ASPRV1: variants seen among roughly 807,000 people sequenced by gnomAD.
The protein encoded by ASPRV1 is retroviral-like aspartic protease 1.
A neutral mutation model predicts 11.0 loss-of-function variants in ASPRV1; 7 were observed. That is an observed-to-expected ratio of 0.64 (90% confidence interval 0.36 to 1.20). The LOEUF (loss-of-function observed/expected upper bound fraction) is 1.20. Among genes scored for constraint, ASPRV1 ranks in the 50% most tolerant of loss-of-function variants. ASPRV1 has a pLI of 0.02. For synonymous variants in ASPRV1, 136 were observed against 138.4 expected (o/e 0.98, Z 0.12); for missense variants, 299 against 320.0 (o/e 0.93, Z 0.50).
the ASPRV1 span, among the ~76,000 whole-genome samples, chr2:70,054,754 C>T: frequency 6.6e-6 from 1 of 152,068 alleles, no homozygotes; most frequent in Non-Finnish European, 1.5e-5. Flanking sequence ...AACCACATCT[C>T]CCCCTTTTTG....
At chr2:70,056,908 T>C in the ASPRV1 span, among the ~76,000 whole-genome samples, 3 of 151,878 alleles carry the variant, frequency 2.0e-5, no homozygotes, top group African/African-American at 7.3e-5. Context: ...CTAATTTTTT[T>C]GTATTTTTAG....
the ASPRV1 span, among the ~76,000 whole-genome samples, chr2:70,043,371 T>C: frequency 6.6e-6 from 1 of 152,064 alleles, no homozygotes; most frequent in Non-Finnish European, 1.5e-5. Flanking sequence ...TGAGCCAAGA[T>C]TGCTCTACTG....
chr2:69,961,198 A>G lies in ASPRV1; in HGVS notation c.239T>C (p.Val80Ala). The change falls in exon 1 of 1, where the codon GTG (valine) becomes GCG (alanine). Residue 80 changes from valine (V) to alanine (A), a missense_variant. Transcript: ENST00000320256. ...SPQDQGDYGTVKEALLKAFGV... is the reference protein window; with the variant it reads ...SPQDQGDYGTAKEALLKAFGV... ...AAAGGCCTTCAGGAGGGCCTCTTTC[A>G]CAGTCCCATAGTCTCCCTGGTCCTG... The G allele has an allele frequency of 6.2e-7, 1 of 1,613,624 alleles. No individual in the cohort carries two copies. The highest frequency in any genetic ancestry group is 1.1e-5 in the South Asian group (1 of 91,062).
At chr2:70,009,905 G>C in the ASPRV1 span, among the ~76,000 whole-genome samples, 28 of 152,164 alleles carry the variant, frequency 1.8e-4, no homozygotes, top group African/African-American at 5.3e-4. Flanking sequence ...GAAGCCCCAC[G>C]GCTCTATAAG....
the ASPRV1 span, chr2:70,086,908 G>A: frequency 1.3e-5 from 2 of 152,262 alleles, no homozygotes; most frequent in Non-Finnish European, 2.9e-5. Context: ...GCAGGAGCTG[G>A]GGTGGGGGAT....
At chr2:70,029,456 T>C in the ASPRV1 span, among the ~76,000 whole-genome samples, 3 of 152,034 alleles carry the variant, frequency 2.0e-5, no homozygotes, top group Non-Finnish European at 4.4e-5. Context: ...CTGGCCAACA[T>C]GGTGAAACCC....
At chr2:70,023,668 T>A in the ASPRV1 span, among the ~76,000 whole-genome samples, 1 of 136,326 alleles carries the variant, frequency 7.3e-6, no homozygotes, top group African/African-American at 3.3e-5. Context: ...AGCAAGACTC[T>A]GTCTCAAAAA....
At position 69,961,492 on chromosome 2, in the gene ASPRV1, C is replaced by G; in HGVS notation, c.-56G>C. On this transcript the variant is annotated 5_prime_UTR_variant, in exon 1 of 1. Coordinates refer to ENST00000320256, the MANE Select transcript of ASPRV1 (RefSeq NM_152792.4). ...AACCCACGCCAAGAAGAGAAACCCA[C>G]AGAGCAGTGTCGGCGCAATCACGCT... is the stretch of plus-strand genomic sequence containing the variant. 2 of 1,614,150 alleles carry G rather than the reference C, an allele frequency of 1.2e-6. No individual in the cohort carries two copies. The highest frequency in any genetic ancestry group is 1.7e-6 in the Non-Finnish European group (2 of 1,180,048).
At chr2:69,970,266 C>T in the ASPRV1 span, among the ~76,000 whole-genome samples, 1 of 152,222 alleles carries the variant, frequency 6.6e-6, no homozygotes, top group Non-Finnish European at 1.5e-5. Context: ...TTGCCTCCTG[C>T]CTCCTCTCCA....
the ASPRV1 span, chr2:70,028,477 T>C: frequency 6.6e-6 from 1 of 152,152 alleles, no homozygotes; most frequent in African/African-American, 2.4e-5. Context: ...TCAAGGGCTA[T>C]AAATTATGAT....
the ASPRV1 span, chr2:70,086,503 G>GC: frequency 6.6e-6 from 1 of 151,640 alleles, no homozygotes; most frequent in African/African-American, 2.4e-5. Flanking sequence ...AAGATGGCGG[G>GC]CCCTGACGGG....
At chr2:70,048,064 G>C in the ASPRV1 span, among the ~76,000 whole-genome samples, 14 of 138,930 alleles carry the variant, frequency 1.0e-4, no homozygotes, top group East Asian at 2.9e-3. Flanking sequence ...AGCCGAGATC[G>C]CGCCACTGCA....
chr2:69,986,616 G>A, the ASPRV1 span, among the ~76,000 whole-genome samples: 1 of 152,206 alleles, frequency 6.6e-6, no homozygotes, highest in Admixed American at 6.5e-5. Context: ...GCTGCCCTGG[G>A]TTCTGATAGC....
At chr2:70,044,780 G>A in the ASPRV1 span, among the ~76,000 whole-genome samples, 1 of 152,166 alleles carries the variant, frequency 6.6e-6, no homozygotes, top group African/African-American at 2.4e-5. Context: ...TATTTACTCA[G>A]TAATCATTCA....
At chr2:70,075,501 T>G in the ASPRV1 span, among the ~76,000 whole-genome samples, 268 of 152,262 alleles carry the variant, frequency 1.8e-3, no homozygotes, top group African/African-American at 6.0e-3. Context: ...CATGAGGTTA[T>G]TTTTAAGGAT....
At chr2:70,085,402 G>C in the ASPRV1 span, 2 of 152,138 alleles carry the variant, frequency 1.3e-5, no homozygotes, top group Non-Finnish European at 2.9e-5. Context: ...GAAAAGCTGG[G>C]AGCTGCCTGA....
chr2:70,036,958 G>C, the ASPRV1 span, among the ~76,000 whole-genome samples: 1 of 152,148 alleles, frequency 6.6e-6, no homozygotes, highest in Non-Finnish European at 1.5e-5. Context: ...CTCTCAAGGA[G>C]ACTTCTGGCA....
At chr2:70,005,260 A>G in the ASPRV1 span, among the ~76,000 whole-genome samples, 1 of 151,994 alleles carries the variant, frequency 6.6e-6, no homozygotes, top group Admixed American at 6.6e-5. Context: ...GGGTTTCCCT[A>G]TGTTTCCCAG....
the ASPRV1 span, among the ~76,000 whole-genome samples, chr2:70,061,474 G>A: frequency 1.1e-4 from 16 of 152,172 alleles, no homozygotes; most frequent in South Asian, 3.3e-3. Flanking sequence ...CCAGGCAGAG[G>A]CTATACAGCA....
Sources: gnomAD v4.1 joint callset for allele counts (sites outside exome capture counted in the v4.1 genomes callset) on GRCh38, gnomAD v4.1.1 for gene constraint, MANE v1.5 for transcripts, NCBI Gene and HGNC (gene_info 2026-07-23, HGNC 2026-07-21) for gene names.